Variants in CAPS2 observed in about 807,000 individuals in gnomAD.
The protein encoded by CAPS2 is calcyphosin-2.
Under a neutral mutation model 86.5 loss-of-function variants are expected in CAPS2, and 98 were observed. The observed-to-expected ratio is 1.13, with a 90% CI of 0.96 to 1.34. CAPS2 has a LOEUF of 1.34. CAPS2 is among the 40% of genes most tolerant of loss of function. CAPS2 has a pLI of 0.00. For missense variants in CAPS2, 729 were observed against 686.8 expected, an observed-to-expected ratio of 1.06 and a Z score of -0.69; for synonymous variants, 210 against 225.1, an observed-to-expected ratio of 0.93 and a Z score of 0.60.
At chr12:75,312,078 C>A (rs149056185) in intron 7 of CAPS2, among the ~76,000 whole-genome samples, 222 of 152,238 alleles carry the variant, frequency 1.5e-3, no homozygotes, top group African/African-American at 5.0e-3. Flanking sequence ...ATTATTCCAA[C>A]CTCTTCAGAA....
exon 8 of CAPS2, chr12:75,304,810 T>G (rs2038248012): frequency 6.2e-7 from 1 of 1,610,624 alleles, no homozygotes; most frequent in African/African-American, 1.3e-5. Flanking sequence ...TCTTTGAATC[T>G]GGAAGGATAT....
intron 7 of CAPS2, among the ~76,000 whole-genome samples, chr12:75,310,514 T>C (rs947726106): frequency 6.6e-6 from 1 of 152,066 alleles, no homozygotes; most frequent in Non-Finnish European, 1.5e-5. Flanking sequence ...TAGAGGAGAA[T>C]AGGTAAGAGG....
intron 5 of CAPS2, among the ~76,000 whole-genome samples, chr12:75,317,133 T>C (rs920072878): frequency 5.9e-5 from 9 of 152,186 alleles, no homozygotes; most frequent in African/African-American, 1.9e-4. Flanking sequence ...TTTTGTTATA[T>C]ATATTTAGGA....
At chr12:75,277,592 T>C (rs569183845) in exon 17 of CAPS2, 33 of 979,502 alleles carry the variant, frequency 3.4e-5, no homozygotes, top group Middle Eastern at 5.3e-4. Flanking sequence ...CCCTCTCATG[T>C]TTTAGTATTA....
rs35198123 is a variant in CAPS2, at chr12:75,304,855, C to T, written c.681G>A (p.Glu227=). 6,237 of 1,611,770 alleles carry T rather than the reference C, an allele frequency of 3.9e-3. 129 individuals are homozygous for T. In the African/African-American group the frequency reaches 0.051, roughly 13 times the overall value. Residue 227 remains glutamate, a synonymous_variant, in exon 8 of 17, where the codon GAG becomes GAA. Coordinates refer to ENST00000393284, the Ensembl canonical transcript of CAPS2. ...CTTTTTGCTCAATGGCTAAATTTTG[C>T]TCTGGATCACTGATGACAGCCCTAT...
At chr12:75,304,122 T>C (rs2038151844) in intron 8 of CAPS2, among the ~76,000 whole-genome samples, 1 of 152,166 alleles carries the variant, frequency 6.6e-6, no homozygotes, top group Non-Finnish European at 1.5e-5. Context: ...AACTAACACA[T>C]AATGCTTCCA....
chr12:75,298,770 GCA>G lies in CAPS2; in HGVS notation c.959_960del (p.Val320AlafsTer10). On this transcript the variant is annotated frameshift_variant, in exon 11 of 17. Transcript: ENST00000393284. LOFTEE classifies it high-confidence loss of function. ...TAAATGCTTTTTTGAATAAAAGGAA[GCA>G]CATTTGTTCTAGAAAGTAAATGAAA... is the stretch of plus-strand genomic sequence containing the variant. 1 of 1,613,066 alleles carries G rather than the reference GCA, an allele frequency of 6.2e-7. No individual in the cohort carries two copies. Among genetic ancestry groups the G allele is most frequent in the Admixed American group, 1.7e-5 (1 of 59,982 alleles).
At chr12:75,370,220 G>A (rs1217279022) in intron 1 of CAPS2, 1 of 1,014,206 alleles carries the variant, frequency 9.9e-7, no homozygotes, top group East Asian at 2.4e-5. Context: ...TAAAATAAAG[G>A]AATAGTTTAT....
Position 75,292,060 on chromosome 12 carries a change from G to A in CAPS2, c.1164-240C>T, listed in dbSNP as rs2036059500. Among the ~76,000 whole-genome samples the A allele has an allele frequency of 2.6e-5, 4 of 151,844 alleles. 1 individual carries two copies. In the South Asian group the frequency reaches 8.3e-4, roughly 32 times the overall value. On this transcript the variant is annotated intron_variant, in intron 12 of 16. Coordinates refer to ENST00000393284, the Ensembl canonical transcript of CAPS2. Reference sequence around the variant, plus strand: ...ACTTGTAAAACTACTTGTTTTGTTTGTTTTTTGTTTGTTTGTTTGTTTTTG... The same window carrying A: ...ACTTGTAAAACTACTTGTTTTGTTTATTTTTTGTTTGTTTGTTTGTTTTTG...
At chr12:75,369,816 T>C in intron 1 of CAPS2, 1 of 1,299,354 alleles carries the variant, frequency 7.7e-7, no homozygotes. Flanking sequence ...ACTGTAGGAT[T>C]GAGTAGGAAA....
intron 7 of CAPS2, among the ~76,000 whole-genome samples, chr12:75,311,149 G>T (rs116706645): frequency 0.015 from 2,357 of 152,234 alleles, 66 homozygotes; most frequent in African/African-American, 0.053. Flanking sequence ...CCTTTTAATG[G>T]ATTAACTACG....
intron 15 of CAPS2, among the ~76,000 whole-genome samples, chr12:75,284,379 T>C (rs1168091913): frequency 6.6e-6 from 1 of 152,166 alleles, no homozygotes; most frequent in East Asian, 1.9e-4. Flanking sequence ...CTATAAAAAA[T>C]GGCTACCAAA....
chr12:75,321,296 CTTA>C, intron 5 of CAPS2, 101 bp downstream of exon 5: 1 of 706,592 alleles, frequency 1.4e-6, no homozygotes, highest in East Asian at 2.8e-5. Flanking sequence ...AGCTATTATA[CTTA>C]TTATGACTAA....
intron 6 of CAPS2, 94 bp from the exon 7 acceptor site, chr12:75,313,009 T>G: frequency 1.5e-6 from 1 of 665,546 alleles, no homozygotes; most frequent in Non-Finnish European, 2.7e-6. Flanking sequence ...TAAATATCTC[T>G]GATTTCCGTC....
Position 75,357,292 on chromosome 12 carries a change from T to C in CAPS2, c.-395+33546A>G, listed in dbSNP as rs1024217567. Among the ~76,000 whole-genome samples, 4 of 152,296 alleles carry C rather than the reference T, an allele frequency of 2.6e-5. No individual in the cohort carries two copies. The South Asian group carries it at 6.2e-4, about 24-fold the overall frequency. On this transcript the variant is annotated intron_variant, in intron 1 of 5. Coordinates refer to the CAPS2 transcript ENST00000551829. Reference sequence around the variant, plus strand: ...GATAAATTTCACTTCACAATGATAATTGGGTTAATTAATCAAGAGAACATA... The same window carrying C: ...GATAAATTTCACTTCACAATGATAACTGGGTTAATTAATCAAGAGAACATA...
At chr12:75,343,770 T>C (rs759111332) in intron 1 of CAPS2, 1 of 1,613,100 alleles carries the variant, frequency 6.2e-7, no homozygotes, top group Admixed American at 1.7e-5. Flanking sequence ...ACTGTTTGGA[T>C]AAATCATATA....
At chr12:75,386,483 C>T (rs2045299901) in intron 1 of CAPS2, among the ~76,000 whole-genome samples, 1 of 152,094 alleles carries the variant, frequency 6.6e-6, no homozygotes, top group African/African-American at 2.4e-5. Flanking sequence ...GAGCTGAACT[C>T]ACTCTTTTAT....
chr12:75,390,283 T>C (rs959904621), intron 1 of CAPS2: 2 of 456,182 alleles, frequency 4.4e-6, no homozygotes, highest in South Asian at 1.5e-5. Flanking sequence ...GCCAATTTTG[T>C]CTGGAACAAA....
intron 1 of CAPS2, chr12:75,363,200 A>AAT (rs770296230): frequency 9.3e-5 from 114 of 1,224,872 alleles, no homozygotes; most frequent in African/African-American, 2.9e-4. Context: ...AGTAAGCAAA[A>AAT]ATATATATAT....
Sources: allele counts gnomAD v4.1 joint callset (sites outside exome capture counted in the v4.1 genomes callset), GRCh38; gene constraint gnomAD v4.1.1; transcripts MANE v1.5; gene names NCBI Gene and HGNC (gene_info 2026-07-23, HGNC 2026-07-21).